SLC16A7: variants seen among roughly 807,000 people sequenced by gnomAD.
SLC16A7 encodes monocarboxylate transporter 2.
In SLC16A7, 33 loss-of-function variants were observed where a neutral mutation model predicts 34.9. That is an observed-to-expected ratio of 0.94 (90% CI 0.72 to 1.26). SLC16A7 has a LOEUF of 1.26. SLC16A7 is among the 50% of genes most tolerant of loss of function. SLC16A7 has a pLI of 0.00. For synonymous variants in SLC16A7, 201 were observed against 206.6 expected, an observed-to-expected ratio of 0.97 and a Z score of 0.23; for missense variants, 573 against 578.1, an observed-to-expected ratio of 0.99 and a Z score of 0.09.
intron 3 of SLC16A7, among the ~76,000 whole-genome samples, chr12:59,742,741 A>T (rs1878479302): frequency 1.3e-5 from 2 of 152,186 alleles, no homozygotes; most frequent in African/African-American, 2.4e-5. Flanking sequence ...GAAAGTAAGG[A>T]TGGGGAATTA....
chr12:59,727,254 C>T (rs1319376420), intron 3 of SLC16A7, among the ~76,000 whole-genome samples: 1 of 150,796 alleles, frequency 6.6e-6, no homozygotes, highest in East Asian at 1.9e-4. Flanking sequence ...TGAGTTAGTC[C>T]CTGGTGATGA....
At chr12:59,654,146 TATAAC>T (rs1216574474) in intron 1 of SLC16A7, among the ~76,000 whole-genome samples, 1 of 151,304 alleles carries the variant, frequency 6.6e-6, no homozygotes, top group Non-Finnish European at 1.5e-5. Flanking sequence ...GTGCCATAGT[TATAAC>T]ATAGGGTTAG....
intron 1 of SLC16A7, among the ~76,000 whole-genome samples, chr12:59,601,559 A>T (rs1169828162): frequency 6.6e-6 from 1 of 152,144 alleles, no homozygotes; most frequent in Admixed American, 6.5e-5. Context: ...ACACTTTTTC[A>T]TTGTGTAGGA....
intron 3 of SLC16A7, among the ~76,000 whole-genome samples, chr12:59,744,556 GC>G (rs1442841665): frequency 1.3e-5 from 2 of 152,146 alleles, no homozygotes; most frequent in Admixed American, 1.3e-4. Flanking sequence ...TTTCCTGGAT[GC>G]TAAACAAGAG....
intron 2 of SLC16A7, among the ~76,000 whole-genome samples, chr12:59,690,614 T>C (rs1871538716): frequency 6.6e-6 from 1 of 151,976 alleles, no homozygotes; most frequent in Non-Finnish European, 1.5e-5. Context: ...ATTAAGTCCA[T>C]GCCTTCTCTT....
intron 3 of SLC16A7, among the ~76,000 whole-genome samples, chr12:59,739,816 G>A (rs1565685565): frequency 6.6e-6 from 1 of 152,102 alleles, no homozygotes; most frequent in Non-Finnish European, 1.5e-5. Flanking sequence ...ATTTTTTCAT[G>A]TGTTTTTTGG....
In SLC16A7 at chr12:59,789,172, G is replaced by A. The variant is rs536659185; in HGVS notation, c.*9493G>A. ...AATGACAACTTTAATATCTAGCAAAGTGCCAGGCATAGAGTATTCCTTTAT... is the reference window on the plus strand; with the variant it reads ...AATGACAACTTTAATATCTAGCAAAATGCCAGGCATAGAGTATTCCTTTAT... On this transcript the variant is annotated 3_prime_UTR_variant, in exon 6 of 6. Transcript: ENST00000547379. 6.6e-6 allele frequency: 1 copy of A among 152,180 alleles called. No individual in the cohort carries two copies. Among genetic ancestry groups the A allele is most frequent in the South Asian group, 2.1e-4 (1 of 4,826 alleles). 9.4% of individuals were successfully genotyped at this position (152,180 alleles called of 1,614,324 possible).
intron 3 of SLC16A7, among the ~76,000 whole-genome samples, chr12:59,758,414 A>G (rs550716994): frequency 6.6e-6 from 1 of 152,260 alleles, no homozygotes; most frequent in East Asian, 1.9e-4. Flanking sequence ...TTTAAATGTT[A>G]AAACTTTGTT....
intron 2 of SLC16A7, among the ~76,000 whole-genome samples, chr12:59,669,643 C>T (rs1869503758): frequency 7.1e-6 from 1 of 139,972 alleles, no homozygotes; most frequent in Admixed American, 7.6e-5. Flanking sequence ...AGCAGTTACC[C>T]ATAGATAGTC....
chr12:59,753,931 T>C (rs965514429), intron 3 of SLC16A7, among the ~76,000 whole-genome samples: 8 of 152,158 alleles, frequency 5.3e-5, no homozygotes, highest in Non-Finnish European at 1.2e-4. Context: ...GCAATCAAAC[T>C]AGAACTCAGG....
chr12:59,770,165 T>C (rs1253522752), intron 3 of SLC16A7, among the ~76,000 whole-genome samples: 1 of 152,156 alleles, frequency 6.6e-6, no homozygotes, highest in Non-Finnish European at 1.5e-5. Flanking sequence ...TTTTAATCAC[T>C]TGTGAATATT....
At chr12:59,711,203 C>A (rs897833694) in intron 3 of SLC16A7, among the ~76,000 whole-genome samples, 5 of 152,152 alleles carry the variant, frequency 3.3e-5, no homozygotes, top group African/African-American at 1.2e-4. Flanking sequence ...AGGAAACGAG[C>A]AGTTCCGTAA....
At chr12:59,643,526 T>C (rs899664493) in intron 1 of SLC16A7, among the ~76,000 whole-genome samples, 9 of 152,174 alleles carry the variant, frequency 5.9e-5, no homozygotes, top group African/African-American at 2.2e-4. Flanking sequence ...AGACTGGCAT[T>C]AGAAATATAA....
chr12:59,675,690 A>C (rs1870249742), intron 2 of SLC16A7, among the ~76,000 whole-genome samples: 1 of 152,172 alleles, frequency 6.6e-6, no homozygotes, highest in Admixed American at 6.5e-5. Context: ...AGTCTGAATA[A>C]ATATAATTCA....
At chr12:59,757,253 T>C (rs1880475006) in intron 3 of SLC16A7, among the ~76,000 whole-genome samples, 1 of 148,896 alleles carries the variant, frequency 6.7e-6, no homozygotes, top group Non-Finnish European at 1.5e-5. Context: ...ACTTAAAGTA[T>C]AATAATAATA....
chr12:59,694,620 C>T (rs1244485740), intron 2 of SLC16A7, among the ~76,000 whole-genome samples: 1 of 151,916 alleles, frequency 6.6e-6, no homozygotes, highest in Non-Finnish European at 1.5e-5. Context: ...CAGTAGATCT[C>T]TAAGATCTAT....
chr12:59,617,954 A>T (rs1879529059), intron 1 of SLC16A7, among the ~76,000 whole-genome samples: 1 of 151,842 alleles, frequency 6.6e-6, no homozygotes, highest in African/African-American at 2.4e-5. Context: ...AAATTTTTGA[A>T]CTCATTTCCT....
intron 3 of SLC16A7, among the ~76,000 whole-genome samples, chr12:59,727,057 C>T (rs937957153): frequency 6.6e-6 from 1 of 151,364 alleles, no homozygotes; most frequent in African/African-American, 2.4e-5. Flanking sequence ...TTGTCAGTAT[C>T]TATCCAAACA....
chr12:59,629,830 A>G (rs1194285914), intron 1 of SLC16A7, among the ~76,000 whole-genome samples: 1 of 151,926 alleles, frequency 6.6e-6, no homozygotes, highest in Admixed American at 6.6e-5. Context: ...TGATGCTATC[A>G]TGATGACTCC....
Sources: allele counts gnomAD v4.1 joint callset (sites outside exome capture counted in the v4.1 genomes callset), GRCh38; gene constraint gnomAD v4.1.1; transcripts MANE v1.5; gene names NCBI Gene and HGNC (gene_info 2026-07-23, HGNC 2026-07-21).